The following HDAC4 variants were observed in gnomAD, a reference collection of about 807,000 sequenced individuals.
HDAC4 encodes histone deacetylase 4.
Under a neutral mutation model 135.1 loss-of-function variants are expected in HDAC4, and 16 were observed. That is an observed-to-expected ratio of 0.12 (90% CI 0.08 to 0.18). HDAC4 has a LOEUF of 0.18. HDAC4 is among the 10% of genes least tolerant of loss of function. HDAC4 has a pLI of 1.00. For synonymous variants in HDAC4, 685 were observed against 653.4 expected, an observed-to-expected ratio of 1.05 and a Z score of -0.74; for missense variants, 1,143 against 1,511.8, an observed-to-expected ratio of 0.76 and a Z score of 4.05.
chr2:239,331,426 A>C lies in HDAC4; in HGVS notation c.22+21252T>G, dbSNP rs1051558855. Among the ~76,000 whole-genome samples the C allele has an allele frequency of 6.6e-6, 1 of 152,214 alleles. No individual in the cohort carries two copies. Among genetic ancestry groups the C allele is most frequent in the Admixed American group, 6.5e-5 (1 of 15,280 alleles). ...CATAAAATATCTGAATAAAAGTGCT[A>C]TAAGAGCTGCTCAAGGCTGCAGATA... On this transcript the variant is annotated intron_variant, in intron 2 of 26. Coordinates refer to ENST00000543185, the MANE Select transcript of HDAC4 (RefSeq NM_001378414.1). The surrounding 1 kb of genome is among the most constrained non-coding windows in gnomAD (Gnocchi z 4.5).
chr2:239,352,825 C>G lies in HDAC4; in HGVS notation c.-126G>C. ...TACCGGGACGGTGAGGGCTGGGTCACAGACGTTCAAGCGCCGAGCCTCGCC... is the reference window on the plus strand; with the variant it reads ...TACCGGGACGGTGAGGGCTGGGTCAGAGACGTTCAAGCGCCGAGCCTCGCC... On this transcript the variant is annotated 5_prime_UTR_variant, in exon 2 of 27. Coordinates refer to ENST00000543185, the MANE Select transcript of HDAC4 (RefSeq NM_001378414.1). This position sits in a 1 kb window ranked among gnomAD's most constrained non-coding sequence, Gnocchi z 4.4. The G allele has an allele frequency of 6.0e-6, 6 of 1,004,226 alleles. No homozygotes were observed. The highest frequency in any genetic ancestry group is 9.2e-6 in the Non-Finnish European group (6 of 652,044). 62.2% of individuals were successfully genotyped at this position (1,004,226 alleles called of 1,614,324 possible).
intron 9 of HDAC4, among the ~76,000 whole-genome samples, chr2:239,138,572 A>C (rs2041128812): frequency 1.3e-5 from 2 of 152,350 alleles, no homozygotes; most frequent in South Asian, 2.1e-4. Flanking sequence ...TTTCCAGCTC[A>C]ACTCATCAGA....
At chr2:239,397,806 AC>A (rs1696666198) in intron 1 of HDAC4, among the ~76,000 whole-genome samples, 1 of 151,968 alleles carries the variant, frequency 6.6e-6, no homozygotes, top group African/African-American at 2.4e-5. Context: ...AGGTAGCATC[AC>A]TTTTGACATG....
At chr2:239,096,732 G>C (rs1211377487) in intron 16 of HDAC4, among the ~76,000 whole-genome samples, 1 of 94,716 alleles carries the variant, frequency 1.1e-5, no homozygotes, top group Non-Finnish European at 2.1e-5. Context: ...CACCCCCCAC[G>C]GACATCCACA....
At chr2:239,164,502 T>A (rs2152973452) in intron 5 of HDAC4, among the ~76,000 whole-genome samples, 1 of 152,354 alleles carries the variant, frequency 6.6e-6, no homozygotes, top group African/African-American at 2.4e-5. Flanking sequence ...ACTGTGGTTT[T>A]CTTCCGTGGC....
At chr2:239,398,387 G>A (rs1696709719) in intron 1 of HDAC4, among the ~76,000 whole-genome samples, 1 of 152,226 alleles carries the variant, frequency 6.6e-6, no homozygotes, top group Non-Finnish European at 1.5e-5. Context: ...CATTCATGCT[G>A]CATTGAAACC....
intron 2 of HDAC4, among the ~76,000 whole-genome samples, chr2:239,281,617 A>C (rs2050758451): frequency 6.6e-6 from 1 of 150,620 alleles, no homozygotes; most frequent in Non-Finnish European, 1.5e-5. Context: ...CTCTACACAC[A>C]ATGTACACAC....
intron 7 of HDAC4, among the ~76,000 whole-genome samples, chr2:239,145,536 C>T (rs993478372): frequency 5.3e-5 from 8 of 152,222 alleles, no homozygotes; most frequent in East Asian, 1.9e-4. Flanking sequence ...AGGCAGCGAC[C>T]GGAGTCAAAG....
At chr2:239,119,192 A>C (rs1261184961) in intron 12 of HDAC4, among the ~76,000 whole-genome samples, 1 of 152,184 alleles carries the variant, frequency 6.6e-6, no homozygotes, top group Non-Finnish European at 1.5e-5. Flanking sequence ...AGGTTTCTTG[A>C]GAGCGGGGCC....
At position 239,301,083 on chromosome 2, in the gene HDAC4, C is replaced by T. The variant is rs1169489081; in HGVS notation, c.22+51595G>A. 7.2e-5 allele frequency among the ~76,000 whole-genome samples: 11 copies of T among 152,296 alleles called. No individual in the cohort carries two copies. The South Asian group carries it at 1.0e-3, about 14-fold the overall frequency. ...GCTCAGCCGGGTCCCTCAGCCCCGG[C>T]GGGGAGCAAGGCCTTCCTGCAGCAA... On this transcript the variant is annotated intron_variant, in intron 2 of 26. Transcript: ENST00000543185.
intron 1 of HDAC4, among the ~76,000 whole-genome samples, chr2:239,395,514 A>C (rs554987210): frequency 6.6e-6 from 1 of 152,230 alleles, no homozygotes; most frequent in East Asian, 1.9e-4. Context: ...TTTTCTTTCC[A>C]ATGAAGATAT....
intron 2 of HDAC4, among the ~76,000 whole-genome samples, chr2:239,320,627 C>T (rs946912638): frequency 6.6e-6 from 1 of 152,116 alleles, no homozygotes; most frequent in Admixed American, 6.5e-5. Context: ...ATCCATGATT[C>T]TAGTGGGTTT....
In HDAC4 at chr2:239,048,310, C is replaced by A. The variant is rs2030257459; in HGVS notation, c.*4787G>T. ...ATTGGTCGGTGAAAATCCACCCACA[C>A]AAAACAAGACAAGAATGAGAAAACC... On this transcript the variant is annotated 3_prime_UTR_variant, in exon 27 of 27. Coordinates refer to ENST00000543185, the MANE Select transcript of HDAC4 (RefSeq NM_001378414.1). 2 of 152,308 alleles carry A rather than the reference C, an allele frequency of 1.3e-5. No homozygotes were observed. Among genetic ancestry groups the A allele is most frequent in the Admixed American group, 6.5e-5 (1 of 15,282 alleles). 9.4% of individuals were successfully genotyped at this position (152,308 alleles called of 1,614,324 possible). A position where few individuals can be genotyped will look rare whatever the true frequency, so the allele number is the denominator to read the frequency against.
At chr2:239,080,945 G>A (rs1053088752) in intron 22 of HDAC4, 150 bp downstream of exon 22, 1 of 620,844 alleles carries the variant, frequency 1.6e-6, no homozygotes, top group Non-Finnish European at 2.9e-6. Context: ...TGGCACTGAA[G>A]AATGAACTGA....
chr2:239,346,970 C>T (rs966854438), intron 2 of HDAC4, among the ~76,000 whole-genome samples: 62 of 147,736 alleles, frequency 4.2e-4, no homozygotes, highest in African/African-American at 1.3e-3. Context: ...AACACACACA[C>T]GCACCCTAAC....
intron 2 of HDAC4, among the ~76,000 whole-genome samples, chr2:239,264,045 A>G (rs2049553885): frequency 6.6e-6 from 1 of 151,970 alleles, no homozygotes; most frequent in African/African-American, 2.4e-5. Context: ...CGGGGGCTCA[A>G]TGACTGAAAA....
intron 1 of HDAC4, among the ~76,000 whole-genome samples, chr2:239,378,281 G>C (rs544364774): frequency 2.0e-5 from 3 of 152,296 alleles, no homozygotes; most frequent in Admixed American, 6.5e-5. Context: ...AAGTCCAGCG[G>C]TGACCAGGGT....
Position 239,115,228 on chromosome 2 carries a change from G to C in HDAC4, c.1616C>G (p.Ala539Gly). 6.2e-7 allele frequency: 1 copy of C among 1,612,568 alleles called. No individual in the cohort carries two copies. Residue 539 changes from alanine to glycine, a missense_variant, in exon 13 of 27, where the codon GCT becomes GGT. Coordinates refer to ENST00000543185, the MANE Select transcript of HDAC4 (RefSeq NM_001378414.1). The surrounding 1 kb of genome is among the most constrained non-coding windows in gnomAD (Gnocchi z 6.3). ...ETEEELREHQALLDEPYLDRL... is the reference protein window; with the variant it reads ...ETEEELREHQGLLDEPYLDRL... The stretch of plus-strand genomic sequence containing the variant: ...GTCCAGGTAGGGCTCGTCCAGCAGA[G>C]CCTGGTGCTCACGGAGCTCCTCCTC...
chr2:239,162,714 T>A (rs1046947084), intron 6 of HDAC4, among the ~76,000 whole-genome samples: 1 of 152,066 alleles, frequency 6.6e-6, no homozygotes, highest in African/African-American at 2.4e-5. Flanking sequence ...CTGCCGTGAG[T>A]GCAGCTTATG....
Sources: allele counts gnomAD v4.1 joint callset (sites outside exome capture counted in the v4.1 genomes callset), GRCh38; gene constraint gnomAD v4.1.1; non-coding constraint Gnocchi (gnomAD v3.1); transcripts MANE v1.5; gene names NCBI Gene and HGNC (gene_info 2026-07-23, HGNC 2026-07-21).